LOC128706665: variants seen among roughly 807,000 people sequenced by gnomAD.
the LOC128706665 span, among the ~76,000 whole-genome samples, chr20:10,431,119 C>T: frequency 6.6e-6 from 1 of 152,062 alleles, no homozygotes; most frequent in Non-Finnish European, 1.5e-5. Context: ...TACACGGCAG[C>T]CATTACTTTT....
At chr20:10,432,269 A>G in the LOC128706665 span, among the ~76,000 whole-genome samples, 8 of 152,170 alleles carry the variant, frequency 5.3e-5, no homozygotes, top group Non-Finnish European at 4.4e-5. Flanking sequence ...AACTTTTTCT[A>G]TTGCCCAATC....
At chr20:10,422,539 G>C in the LOC128706665 span, among the ~76,000 whole-genome samples, 1 of 152,108 alleles carries the variant, frequency 6.6e-6, no homozygotes, top group African/African-American at 2.4e-5. Flanking sequence ...TTATAGGAGG[G>C]ACAGAGGCTG....
At chr20:10,418,078 TAA>T in the LOC128706665 span, among the ~76,000 whole-genome samples, 1 of 152,326 alleles carries the variant, frequency 6.6e-6, no homozygotes, top group Admixed American at 6.5e-5. Context: ...AAATTGTAGG[TAA>T]AGAGTCACTG....
chr20:10,419,632 C>T, the LOC128706665 span, among the ~76,000 whole-genome samples: 21,937 of 152,114 alleles, frequency 0.14, 1,783 homozygotes, highest in East Asian at 0.24. Context: ...CACAATACTC[C>T]TGTGCTTTGG....
chr20:10,425,516 A>G, the LOC128706665 span, among the ~76,000 whole-genome samples: 1 of 152,254 alleles, frequency 6.6e-6, no homozygotes, highest in Non-Finnish European at 1.5e-5. Flanking sequence ...AGAAAGGTTC[A>G]TGATACTGAG....
chr20:10,418,361 G>A, the LOC128706665 span, among the ~76,000 whole-genome samples: 1 of 152,074 alleles, frequency 6.6e-6, no homozygotes, highest in African/African-American at 2.4e-5. Context: ...GATACTTGAG[G>A]GCTCAATATA....
the LOC128706665 span, among the ~76,000 whole-genome samples, chr20:10,427,365 G>C: frequency 1.3e-5 from 2 of 152,114 alleles, no homozygotes; most frequent in African/African-American, 2.4e-5. Context: ...TGAAAAAATT[G>C]TAATTTTTAA....
chr20:10,420,895 T>C, the LOC128706665 span: 1 of 152,194 alleles, frequency 6.6e-6, no homozygotes, highest in Non-Finnish European at 1.5e-5. Context: ...TTATAATACA[T>C]TGCAATGTTA....
At chr20:10,429,634 T>A in the LOC128706665 span, among the ~76,000 whole-genome samples, 1 of 152,228 alleles carries the variant, frequency 6.6e-6, no homozygotes, top group African/African-American at 2.4e-5. Flanking sequence ...TTCAGAAATC[T>A]GGATATACTG....
At chr20:10,432,788 T>TAAAAA in the LOC128706665 span, among the ~76,000 whole-genome samples, 2 of 16,326 alleles carry the variant, frequency 1.2e-4, no homozygotes, top group Non-Finnish European at 3.9e-4. Context: ...AGACTCTTTG[T>TAAAAA]CAAAAAAAAA....
chr20:10,432,776 C>A, the LOC128706665 span, among the ~76,000 whole-genome samples: 1 of 113,940 alleles, frequency 8.8e-6, no homozygotes, highest in Admixed American at 1.2e-4. Context: ...CGCGACAGAG[C>A]GAGACTCTTT....
chr20:10,420,982 C>A, the LOC128706665 span, among the ~76,000 whole-genome samples: 1 of 152,186 alleles, frequency 6.6e-6, no homozygotes, highest in Non-Finnish European at 1.5e-5. Context: ...GCAATACTGA[C>A]TTTTTGGCAA....
the LOC128706665 span, among the ~76,000 whole-genome samples, chr20:10,431,163 T>C: frequency 6.6e-6 from 1 of 152,164 alleles, no homozygotes; most frequent in African/African-American, 2.4e-5. Context: ...GAATCATATA[T>C]AAAAATAGGC....
the LOC128706665 span, among the ~76,000 whole-genome samples, chr20:10,428,170 G>A: frequency 6.6e-6 from 1 of 152,214 alleles, no homozygotes; most frequent in Non-Finnish European, 1.5e-5. Flanking sequence ...GCAAGCTGTG[G>A]TTTATCACAA....
chr20:10,430,708 T>A, the LOC128706665 span, among the ~76,000 whole-genome samples: 2 of 152,168 alleles, frequency 1.3e-5, no homozygotes, highest in African/African-American at 4.8e-5. Context: ...ATAGGACAGA[T>A]AACTGTCAAG....
chr20:10,431,792 T>C, the LOC128706665 span: 1 of 152,212 alleles, frequency 6.6e-6, no homozygotes, highest in Non-Finnish European at 1.5e-5. Context: ...TCCTAGTGCG[T>C]AGCAGAAAAG....
the LOC128706665 span, among the ~76,000 whole-genome samples, chr20:10,433,346 T>C: frequency 6.6e-5 from 10 of 152,168 alleles, no homozygotes; most frequent in Non-Finnish European, 1.3e-4. Context: ...AATTCACACA[T>C]GCGGAACTCA....
the LOC128706665 span, among the ~76,000 whole-genome samples, chr20:10,415,928 G>T: frequency 6.6e-6 from 1 of 151,812 alleles, no homozygotes; most frequent in Non-Finnish European, 1.5e-5. Context: ...GCCAAAACTT[G>T]TTGACCTGTG....
chr20:10,421,471 C>T, the LOC128706665 span, among the ~76,000 whole-genome samples: 2,079 of 149,894 alleles, frequency 0.014, 40 homozygotes, highest in African/African-American at 0.046. Flanking sequence ...AAGAATCAAA[C>T]GGTAATCCAC....
Sources: gnomAD v4.1 joint callset for allele counts (sites outside exome capture counted in the v4.1 genomes callset) on GRCh38, gnomAD v4.1.1 for gene constraint, MANE v1.5 for transcripts.